Variants in DOCK7 observed in about 807,000 individuals in gnomAD.
The protein encoded by DOCK7 is dedicator of cytokinesis protein 7.
In DOCK7, 138 loss-of-function variants were observed where a neutral mutation model predicts 271.0. The observed-to-expected ratio is 0.51, with a 90% confidence interval of 0.44 to 0.59. The LOEUF (loss-of-function observed/expected upper bound fraction) is 0.59. Among genes scored for constraint, DOCK7 ranks in the 20% least tolerant of loss-of-function variants. The pLI is 0.00. For missense variants in DOCK7, 2,066 were observed against 2,592.4 expected (o/e 0.80, Z 4.41); for synonymous variants, 823 against 876.1 (o/e 0.94, Z 1.07).
At chr1:62,494,636 G>A in intron 39 of DOCK7, 169 bp from the exon 40 acceptor site, 1 of 424,062 alleles carries the variant, frequency 2.4e-6, no homozygotes, top group Non-Finnish European at 4.0e-6. Context: ...AAATAACTGT[G>A]GCCTATGGAA....
chr1:62,466,494 G>A (rs908642205), intron 48 of DOCK7, among the ~76,000 whole-genome samples: 1 of 152,182 alleles, frequency 6.6e-6, no homozygotes, highest in African/African-American at 2.4e-5. Flanking sequence ...GGCTCCATGG[G>A]TGCTTTGTCC....
At chr1:62,675,294 T>G (rs1420050584) in intron 1 of DOCK7, among the ~76,000 whole-genome samples, 2 of 152,052 alleles carry the variant, frequency 1.3e-5, no homozygotes, top group Non-Finnish European at 2.9e-5. Context: ...TCCCAGCTAC[T>G]CAGGAGGTTG....
chr1:62,618,610 T>A, intron 14 of DOCK7, 96 bp downstream of exon 14: 2 of 1,135,156 alleles, frequency 1.8e-6, no homozygotes, highest in Admixed American at 4.8e-5. Context: ...GTAACAAAAC[T>A]ACTTAAGATT....
intron 12 of DOCK7, among the ~76,000 whole-genome samples, chr1:62,624,690 A>G (rs2149602890): frequency 6.6e-6 from 1 of 152,356 alleles, no homozygotes; most frequent in Non-Finnish European, 1.5e-5. Context: ...ATTTGGAAAT[A>G]GGATACAGGC....
intron 22 of DOCK7, among the ~76,000 whole-genome samples, chr1:62,545,627 G>T (rs1013631738): frequency 6.6e-6 from 1 of 152,002 alleles, no homozygotes; most frequent in Non-Finnish European, 1.5e-5. Flanking sequence ...ATTTGGAGCT[G>T]CACTTATAAT....
chr1:62,683,209 G>A (rs1661363560), intron 1 of DOCK7, among the ~76,000 whole-genome samples: 1 of 152,180 alleles, frequency 6.6e-6, no homozygotes, highest in African/African-American at 2.4e-5. Context: ...GCAAGAAGCA[G>A]GTTAGATATT....
chr1:62,679,898 A>T, intron 1 of DOCK7, among the ~76,000 whole-genome samples: 1 of 152,228 alleles, frequency 6.6e-6, no homozygotes, highest in Admixed American at 6.5e-5. Context: ...GGACACAAAC[A>T]AATGGAAGAA....
chr1:62,520,080 T>C (rs555943561), intron 31 of DOCK7, among the ~76,000 whole-genome samples: 2 of 152,242 alleles, frequency 1.3e-5, no homozygotes, highest in Non-Finnish European at 2.9e-5. Flanking sequence ...CCCTTCCTTA[T>C]ACCTTATACA....
At chr1:62,644,372 A>G (rs1656382633) in intron 7 of DOCK7, among the ~76,000 whole-genome samples, 1 of 152,232 alleles carries the variant, frequency 6.6e-6, no homozygotes, top group South Asian at 2.1e-4. Flanking sequence ...GCAAACAAAT[A>G]TCACTACTAT....
At chr1:62,638,018 T>G (rs1175143474) in intron 7 of DOCK7, among the ~76,000 whole-genome samples, 1 of 152,182 alleles carries the variant, frequency 6.6e-6, no homozygotes, top group Non-Finnish European at 1.5e-5. Flanking sequence ...CAAAACCTAC[T>G]CTGCATCATT....
In DOCK7 at chr1:62,513,538, A is replaced by T. The variant is rs1478946598; in HGVS notation, c.4188T>A (p.Leu1396=). The change falls in exon 33 of 50, where the codon CTT becomes CTA. Residue 1396 remains leucine, a synonymous_variant. Coordinates refer to ENST00000635253, the MANE Select transcript of DOCK7 (RefSeq NM_001367561.1). The part of the protein sequence containing the change: ...FKKSKDMRAK[L]EEAILGSIGA... ...CTATGCTCCCAAGAATAGCTTCTTC[A>T]AGCTTTGCTCTCATGTCTTTTGATT... 6.2e-7 allele frequency: 1 copy of T among 1,614,158 alleles called. No individual in the cohort carries two copies.
Position 62,504,669 on chromosome 1 carries a change from G to C in DOCK7, c.4725C>G (p.Ser1575=). The C allele has an allele frequency of 6.2e-7, 1 of 1,613,824 alleles. No individual in the cohort carries two copies. The change falls in exon 37 of 50, where the codon TCC becomes TCG. Residue 1575 remains serine (S), a synonymous_variant. Coordinates refer to ENST00000635253, the MANE Select transcript of DOCK7 (RefSeq NM_001367561.1). ...IGTIRSHASA[S]LYLLMRQNFE... ...AGTTTTGCCTCATTAGTAGGTAAAG[G>C]GAGGCACTGGCGTGTGACCGTATTG...
chr1:62,510,678 C>A lies in DOCK7; in HGVS notation c.4283-5G>T, dbSNP rs767408648. 17 of 1,610,536 alleles carry A rather than the reference C, an allele frequency of 1.1e-5. No homozygotes were observed. In the South Asian group the frequency reaches 1.9e-4, roughly 18 times the overall value. ...CACTTCCAGATGGGCTTCTCTCTGT[C>A]AAATAAATTTCAAAACCAATTTTCA... On this transcript the variant is annotated splice_polypyrimidine_tract_variant and splice_region_variant and intron_variant, in intron 33 of 49. Transcript: ENST00000635253.
intron 18 of DOCK7, among the ~76,000 whole-genome samples, chr1:62,570,815 C>G (rs1646747446): frequency 1.3e-5 from 2 of 152,126 alleles, no homozygotes; most frequent in African/African-American, 2.4e-5. Context: ...GAAGGATTCC[C>G]TATTTAATAA....
At position 62,513,616 on chromosome 1, in the gene DOCK7, A is replaced by C; in HGVS notation, c.4120-10T>G. ...CAAACACTTTTTTCCCCTAAAATGTAAACATTAGAAGAGAAGAGGTATTGA... is the reference window on the plus strand; with the variant it reads ...CAAACACTTTTTTCCCCTAAAATGTCAACATTAGAAGAGAAGAGGTATTGA... On this transcript the variant is annotated splice_polypyrimidine_tract_variant and intron_variant, in intron 32 of 49. Coordinates refer to ENST00000635253, the MANE Select transcript of DOCK7 (RefSeq NM_001367561.1). The C allele has an allele frequency of 6.2e-7, 1 of 1,610,384 alleles. No individual in the cohort carries two copies. Among genetic ancestry groups the C allele is most frequent in the Non-Finnish European group, 8.5e-7 (1 of 1,179,054 alleles).
Position 62,648,341 on chromosome 1 carries a change from T to C in DOCK7, c.520-23A>G, listed in dbSNP as rs376199831. On this transcript the variant is annotated intron_variant, in intron 5 of 49. Transcript: ENST00000635253. ...ATCCTGTCATGCAAAACATTAAATA[T>C]AAATATATTAATTAATAAATTGACA... 6.2e-6 allele frequency: 9 copies of C among 1,454,494 alleles called. No homozygotes were observed. In the African/African-American group the frequency reaches 1.3e-4, roughly 21 times the overall value. 90.1% of individuals were successfully genotyped at this position (1,454,494 alleles called of 1,614,324 possible). A position where few individuals can be genotyped will look rare whatever the true frequency, so the allele number is the denominator to read the frequency against.
chr1:62,606,367 G>A (rs1394758215), intron 14 of DOCK7, among the ~76,000 whole-genome samples: 1 of 150,482 alleles, frequency 6.6e-6, no homozygotes, highest in Non-Finnish European at 1.5e-5. Flanking sequence ...CCTTTCAGGA[G>A]TAGTAAATTA....
At position 62,460,098 on chromosome 1, in the gene DOCK7, C is replaced by CAA. The variant is rs71053316; in HGVS notation, c.6213-2395_6213-2394dup. ...CTGGGTGACAGAGCAAGACTCGTCT[C>CAA]AAAAAAAAAAAAAAAAAAAAAAAAA... On this transcript the variant is annotated intron_variant, in intron 48 of 49. Coordinates refer to ENST00000635253, the MANE Select transcript of DOCK7 (RefSeq NM_001367561.1). Among the ~76,000 whole-genome samples the CAA allele has an allele frequency of 8.2e-3, 542 of 65,940 alleles. 26 individuals carry two copies. Among genetic ancestry groups the CAA allele is most frequent in the African/African-American group, 0.025 (401 of 16,138 alleles). The allele number at this position is 65,940 out of a possible 152,430, so 43.3% of individuals were successfully genotyped here.
chr1:62,675,398 T>C (rs1278516739), intron 1 of DOCK7, among the ~76,000 whole-genome samples: 2 of 152,138 alleles, frequency 1.3e-5, no homozygotes, highest in Non-Finnish European at 2.9e-5. Flanking sequence ...CAAGACCCTG[T>C]CTCAATCAAT....
Sources: gnomAD v4.1 joint callset for allele counts (sites outside exome capture counted in the v4.1 genomes callset) on GRCh38, gnomAD v4.1.1 for gene constraint, MANE v1.5 for transcripts, NCBI Gene and HGNC (gene_info 2026-07-23, HGNC 2026-07-21) for gene names.